Variants in EFCAB7 observed in about 807,000 individuals in gnomAD.
EFCAB7 encodes EF-hand calcium binding domain 7.
In EFCAB7, 66 loss-of-function variants were observed where a neutral mutation model predicts 77.1. The observed-to-expected ratio is 0.86, with a 90% CI of 0.70 to 1.05. The LOEUF (loss-of-function observed/expected upper bound fraction) is 1.05, where lower values mean the gene tolerates loss of function less well. Among genes scored for constraint, EFCAB7 ranks in the 50% least tolerant of loss-of-function variants. EFCAB7 has a pLI of 0.00. For missense variants in EFCAB7, 638 were observed against 730.5 expected (o/e 0.87, Z 1.46); for synonymous variants, 225 against 243.3 (o/e 0.92, Z 0.70).
At chr1:63,549,197 A>G (rs1646936533) in intron 7 of EFCAB7, 1 of 339,488 alleles carries the variant, frequency 2.9e-6, no homozygotes, top group South Asian at 2.6e-5. Context: ...GAATACTCAC[A>G]TAATGCTTTG....
chr1:63,566,272 C>T (rs1391165971), intron 11 of EFCAB7, among the ~76,000 whole-genome samples: 1 of 152,208 alleles, frequency 6.6e-6, no homozygotes, highest in African/African-American at 2.4e-5. Context: ...CACATGTTCT[C>T]ATTTATAAGC....
At chr1:63,528,326 T>G (rs1388565426) in intron 2 of EFCAB7, among the ~76,000 whole-genome samples, 1 of 152,088 alleles carries the variant, frequency 6.6e-6, no homozygotes, top group East Asian at 1.9e-4. Context: ...GAAATAAGCC[T>G]GGCACAGAAA....
chr1:63,572,624 C>CTAATT lies in EFCAB7; in HGVS notation c.*108_*109insTAATT. The CTAATT allele has an allele frequency of 8.8e-7, 1 of 1,133,432 alleles. No individual in the cohort carries two copies. The highest frequency in any genetic ancestry group is 1.1e-6 in the Non-Finnish European group (1 of 869,896). The allele number at this position is 1,133,432 out of a possible 1,614,324, so 70.2% of individuals were successfully genotyped here. On this transcript the variant is annotated 3_prime_UTR_variant, in exon 14 of 14. Transcript: ENST00000371088. ...TGATGTACCTAAATAATAATCTATT[C>CTAATT]AATTTATATGCATTTTCATTTTATG...
Position 63,545,924 on chromosome 1 carries a change from A to G in EFCAB7, c.813A>G (p.Gln271=), listed in dbSNP as rs925015267. The part of the protein sequence containing the change: ...LMEPNLIKDW[Q]HMQSKGCFFL... ...TTTTTCCTTCATTTCAGGACTGGCA[A>G]CACATGCAATCAAAAGGTTGCTTCT... The change falls in exon 7 of 14, where the codon CAA becomes CAG. Residue 271 remains glutamine (Q), a synonymous_variant. Coordinates refer to ENST00000371088, the MANE Select transcript of EFCAB7 (RefSeq NM_032437.4). The G allele has an allele frequency of 9.3e-6, 15 of 1,613,402 alleles. No homozygotes were observed. Among genetic ancestry groups the G allele is most frequent in the Admixed American group, 1.7e-5 (1 of 59,836 alleles).
At chr1:63,579,597 T>C in the EFCAB7 span, among the ~76,000 whole-genome samples, 1 of 152,238 alleles carries the variant, frequency 6.6e-6, no homozygotes, top group East Asian at 1.9e-4. Flanking sequence ...GGTAAATATA[T>C]GTTTGACTTT....
chr1:63,546,992 AT>A (rs1368896182), intron 7 of EFCAB7: 1 of 152,066 alleles, frequency 6.6e-6, no homozygotes, highest in Non-Finnish European at 1.5e-5. Context: ...ATCAATATTT[AT>A]TTTTCTTTTA....
chr1:63,574,936 G>C (rs1480394778), downstream of EFCAB7, among the ~76,000 whole-genome samples: 2 of 152,186 alleles, frequency 1.3e-5, no homozygotes, highest in African/African-American at 4.8e-5. Flanking sequence ...TGGAAGGATA[G>C]TTGGATAAAA....
intron 7 of EFCAB7, chr1:63,550,014 C>T (rs981233775): frequency 1.3e-5 from 2 of 152,276 alleles, no homozygotes; most frequent in African/African-American, 4.8e-5. Context: ...GAAATGCCAA[C>T]TGCTTGAAGA....
chr1:63,534,188 C>CA lies in EFCAB7; in HGVS notation c.779dup (p.Leu261ValfsTer26). Reference sequence around the variant, plus strand: ...ATGGGGGCTAATGGTAACCGAAACTCAAAGTTAATGGAGCCAAATTTAATA... The same window carrying CA: ...ATGGGGGCTAATGGTAACCGAAACTCAAAAGTTAATGGAGCCAAATTTAATA... On this transcript the variant is annotated frameshift_variant, in exon 6 of 14. Coordinates refer to ENST00000371088, the MANE Select transcript of EFCAB7 (RefSeq NM_032437.4). LOFTEE classifies it high-confidence loss of function. 1 of 1,612,652 alleles carries CA rather than the reference C, an allele frequency of 6.2e-7. No homozygotes were observed. Among genetic ancestry groups the CA allele is most frequent in the Non-Finnish European group, 8.5e-7 (1 of 1,179,200 alleles).
intron 1 of EFCAB7, among the ~76,000 whole-genome samples, chr1:63,524,608 A>G (rs1646547728): frequency 6.6e-6 from 1 of 152,182 alleles, no homozygotes; most frequent in African/African-American, 2.4e-5. Flanking sequence ...TTGGAGATCT[A>G]TTTTTAGAAG....
chr1:63,568,332 T>C lies in EFCAB7; in HGVS notation c.1520T>C (p.Ile507Thr). Residue 507 changes from isoleucine to threonine, a missense_variant, in exon 12 of 14, where the codon ATC (isoleucine) becomes ACC (threonine). By Grantham distance (89) the Ile-to-Thr change is moderately conservative. Coordinates refer to ENST00000371088, the MANE Select transcript of EFCAB7 (RefSeq NM_032437.4). ...LTEACPFVID[I>T]YAEKCKPKIK... is the part of the protein sequence containing the mutation. ...CAGGCATGTCCATTTGTCATTGATA[T>C]CTATGCAGAAAAATGCAAGCCAAAA... 3 of 1,603,698 alleles carry C rather than the reference T, an allele frequency of 1.9e-6. No individual in the cohort carries two copies. Among genetic ancestry groups the C allele is most frequent in the Non-Finnish European group, 2.5e-6 (3 of 1,176,970 alleles).
At chr1:63,563,962 CT>C (rs910032778) in intron 11 of EFCAB7, among the ~76,000 whole-genome samples, 6 of 151,756 alleles carry the variant, frequency 4.0e-5, no homozygotes, top group Non-Finnish European at 7.4e-5. Context: ...TTTTGCCCCC[CT>C]TTTTTTTCTG....
At chr1:63,556,264 G>GA (rs1186697464) in intron 9 of EFCAB7, among the ~76,000 whole-genome samples, 1 of 152,010 alleles carries the variant, frequency 6.6e-6, no homozygotes, top group African/African-American at 2.4e-5. Flanking sequence ...GTTCCCACTA[G>GA]AAAAAAAGAT....
At chr1:63,553,420 A>G (rs567572011) in intron 8 of EFCAB7, among the ~76,000 whole-genome samples, 2 of 151,970 alleles carry the variant, frequency 1.3e-5, no homozygotes, top group African/African-American at 4.8e-5. Flanking sequence ...GCTCACTGCA[A>G]CCTCCGCCTC....
At chr1:63,569,637 AGAGT>A (rs1300431696) in intron 12 of EFCAB7, 2 of 152,280 alleles carry the variant, frequency 1.3e-5, no homozygotes, top group Non-Finnish European at 2.9e-5. Context: ...TATAAAGGAA[AGAGT>A]GAGAATATCT....
intron 4 of EFCAB7, among the ~76,000 whole-genome samples, chr1:63,533,113 T>G (rs1233170306): frequency 6.6e-6 from 1 of 152,048 alleles, no homozygotes; most frequent in Non-Finnish European, 1.5e-5. Flanking sequence ...ACATAGAGAC[T>G]CTACTCAGAA....
In EFCAB7 at chr1:63,533,617, G is replaced by A; in HGVS notation, c.650G>A (p.Arg217Lys). 6.3e-7 allele frequency: 1 copy of A among 1,581,610 alleles called. No homozygotes were observed. The highest frequency in any genetic ancestry group is 8.6e-7 in the Non-Finnish European group (1 of 1,169,570). The stretch of plus-strand genomic sequence containing the variant: ...CCAAAACCATCACCTAAAATCACAA[G>A]AAAAACTGATCCAGAAACATTCTTA... The part of the protein sequence containing the change: ...PVPKPSPKIT[R>K]KTDPETFLNK... Residue 217 changes from arginine (R) to lysine (K), a missense_variant, in exon 5 of 14, where the codon AGA becomes AAA. Arg to Lys is a conservative substitution (Grantham distance 26). Coordinates refer to ENST00000371088, the MANE Select transcript of EFCAB7 (RefSeq NM_032437.4).
chr1:63,543,498 TAGAA>T (rs1245285509), intron 6 of EFCAB7, among the ~76,000 whole-genome samples: 1 of 152,224 alleles, frequency 6.6e-6, no homozygotes, highest in Admixed American at 6.5e-5. Context: ...AGGTCAGTAT[TAGAA>T]AGGATTACAT....
intron 10 of EFCAB7, among the ~76,000 whole-genome samples, chr1:63,560,108 ACGCC>A (rs1176935508): frequency 1.3e-5 from 2 of 151,768 alleles, no homozygotes; most frequent in African/African-American, 2.4e-5. Flanking sequence ...ACCCGCCACC[ACGCC>A]CGGCTAATTT....
Sources: allele counts gnomAD v4.1 joint callset (sites outside exome capture counted in the v4.1 genomes callset), GRCh38; gene constraint gnomAD v4.1.1; transcripts MANE v1.5; gene names NCBI Gene and HGNC (gene_info 2026-07-23, HGNC 2026-07-21).